Variants in MECOM observed in about 807,000 individuals in gnomAD.
The protein encoded by MECOM is MDS1 and EVI1 complex locus, also known as histone-lysine N-methyltransferase MECOM.
In MECOM, 13 loss-of-function variants were observed where a neutral mutation model predicts 116.3. The observed-to-expected ratio is 0.11, with a 90% CI of 0.07 to 0.18. The LOEUF (loss-of-function observed/expected upper bound fraction) is 0.18. Among genes scored for constraint, MECOM ranks in the 10% least tolerant of loss-of-function variants. The probability of loss-of-function intolerance (pLI) is 1.00; values close to 1 mark genes in which losing one functional copy is unlikely to be tolerated. For synonymous variants in MECOM, 528 were observed against 535.2 expected (o/e 0.99, Z 0.19); for missense variants, 1,299 against 1,509.0 (o/e 0.86, Z 2.31).
intron 1 of MECOM, chr3:169,484,071 G>A (rs1751784495): frequency 1.0e-6 from 1 of 1,000,094 alleles, no homozygotes; most frequent in Non-Finnish European, 1.5e-6. Context: ...TAGCTACCAG[G>A]CATTTAAAAT....
chr3:169,663,044 C>G (rs1453397900), intron 1 of MECOM, among the ~76,000 whole-genome samples: 2 of 146,770 alleles, frequency 1.4e-5, no homozygotes, highest in African/African-American at 5.1e-5. Flanking sequence ...TCCCTCCCAC[C>G]CCTAGTCTTT....
intron 2 of MECOM, among the ~76,000 whole-genome samples, chr3:169,311,365 C>A (rs997576998): frequency 2.0e-5 from 3 of 152,172 alleles, no homozygotes; most frequent in Admixed American, 6.5e-5. Flanking sequence ...TTAAATGGGA[C>A]TTTCTCTCAA....
At chr3:169,532,435 C>T (rs562969391) in intron 1 of MECOM, among the ~76,000 whole-genome samples, 2 of 152,276 alleles carry the variant, frequency 1.3e-5, no homozygotes, top group South Asian at 4.1e-4. Flanking sequence ...GCAATACCAG[C>T]TAGGAAAATA....
intron 2 of MECOM, among the ~76,000 whole-genome samples, chr3:169,314,716 A>T (rs1343347660): frequency 6.6e-6 from 1 of 152,172 alleles, no homozygotes; most frequent in Non-Finnish European, 1.5e-5. Context: ...ATGGGGAGAA[A>T]AAAAAGCAAG....
intron 2 of MECOM, among the ~76,000 whole-genome samples, chr3:169,228,682 C>G (rs1753030776): frequency 6.6e-6 from 1 of 152,198 alleles, no homozygotes; most frequent in South Asian, 2.1e-4. Context: ...GTAAGTCACT[C>G]CAGCCAAGGA....
intron 1 of MECOM, among the ~76,000 whole-genome samples, chr3:169,591,402 C>A (rs117750544): frequency 6.6e-6 from 1 of 152,096 alleles, no homozygotes; most frequent in Admixed American, 6.5e-5. Flanking sequence ...AGGCTGTGGA[C>A]GGAGAAATCC....
intron 1 of MECOM, among the ~76,000 whole-genome samples, chr3:169,455,900 T>C (rs1746399152): frequency 6.6e-6 from 1 of 152,298 alleles, no homozygotes; most frequent in South Asian, 2.1e-4. Context: ...ATGTAGTTCT[T>C]ATGTGTTTGC....
chr3:169,618,596 G>A (rs987287098), intron 1 of MECOM, among the ~76,000 whole-genome samples: 2 of 152,080 alleles, frequency 1.3e-5, no homozygotes, highest in Admixed American at 6.5e-5. Flanking sequence ...GACGGAGGTT[G>A]CAGTGAGCCG....
chr3:169,584,382 G>A (rs1411391869), intron 1 of MECOM, among the ~76,000 whole-genome samples: 15 of 151,326 alleles, frequency 9.9e-5, no homozygotes, highest in Middle Eastern at 3.4e-3. Context: ...TGGCTAACAC[G>A]GTGAAACCCC....
At chr3:169,656,768 T>C (rs1035066218) in intron 1 of MECOM, among the ~76,000 whole-genome samples, 1 of 152,210 alleles carries the variant, frequency 6.6e-6, no homozygotes, top group African/African-American at 2.4e-5. Context: ...CATTGTATTT[T>C]ATACACATAA....
chr3:169,085,166 G>T, intron 16 of MECOM, 123 bp from the exon 17 acceptor site: 1 of 1,228,024 alleles, frequency 8.1e-7, no homozygotes, highest in Non-Finnish European at 1.1e-6. Context: ...TCATGGGTGT[G>T]TTTGGCAAAG....
At chr3:169,464,636 G>A (rs1747997982) in intron 1 of MECOM, among the ~76,000 whole-genome samples, 1 of 152,192 alleles carries the variant, frequency 6.6e-6, no homozygotes, top group Middle Eastern at 3.4e-3. Flanking sequence ...ATGGATTACT[G>A]TATATTATTC....
At chr3:169,657,591 G>C (rs1292964056) in intron 1 of MECOM, among the ~76,000 whole-genome samples, 1 of 152,136 alleles carries the variant, frequency 6.6e-6, no homozygotes, top group Non-Finnish European at 1.5e-5. Context: ...GTCTCCAGAG[G>C]GACCCATTGG....
At chr3:169,185,934 C>T (rs6772019) in intron 2 of MECOM, among the ~76,000 whole-genome samples, 14,400 of 152,116 alleles carry the variant, frequency 0.095, 750 homozygotes, top group South Asian at 0.22. Context: ...GGGCTGATGA[C>T]TATACATCAT....
At chr3:169,140,924 T>G (rs1737910274) in intron 3 of MECOM, among the ~76,000 whole-genome samples, 1 of 152,106 alleles carries the variant, frequency 6.6e-6, no homozygotes, top group Non-Finnish European at 1.5e-5. Context: ...AAATACAGGT[T>G]ATCCAGCATA....
At chr3:169,614,072 C>G (rs923618286) in intron 1 of MECOM, among the ~76,000 whole-genome samples, 2 of 150,446 alleles carry the variant, frequency 1.3e-5, no homozygotes, top group East Asian at 3.9e-4. Context: ...TTCACTTTCC[C>G]TCCCTTCTCC....
intron 2 of MECOM, among the ~76,000 whole-genome samples, chr3:169,255,512 T>C (rs568698827): frequency 6.6e-6 from 1 of 152,226 alleles, no homozygotes; most frequent in South Asian, 2.1e-4. Flanking sequence ...AGCCTGTTTA[T>C]ATTTCTGTTT....
intron 1 of MECOM, among the ~76,000 whole-genome samples, chr3:169,497,444 C>T (rs1444460899): frequency 6.6e-6 from 1 of 151,692 alleles, no homozygotes; most frequent in Non-Finnish European, 1.5e-5. Context: ...CTCCTGGGTT[C>T]AAGTGATTCT....
rs764119777 is a variant in MECOM at position 169,644,232 on chromosome 3, A to G, written c.37+19104T>C. Among the ~76,000 whole-genome samples the G allele has an allele frequency of 5.7e-3, 715 of 125,906 alleles. 5 individuals carry two copies. Among genetic ancestry groups the G allele is most frequent in the Middle Eastern group, 0.031 (8 of 256 alleles). 82.6% of individuals were successfully genotyped at this position (125,906 alleles called of 152,430 possible). On this transcript the variant is annotated intron_variant, in intron 1 of 16. Coordinates refer to ENST00000651503, the MANE Select transcript of MECOM (RefSeq NM_004991.4). ...CAGTTCCTCGCATTTTATTTTATTT[A>G]TTTGTTTATTTATTTATTTATTTAT...
Sources: gnomAD v4.1 joint callset for allele counts (sites outside exome capture counted in the v4.1 genomes callset) on GRCh38, gnomAD v4.1.1 for gene constraint, MANE v1.5 for transcripts, NCBI Gene and HGNC (gene_info 2026-07-23, HGNC 2026-07-21) for gene names.